Variants in IKZF3 observed in about 807,000 individuals in gnomAD.
The protein encoded by IKZF3 is IKAROS family zinc finger 3, also known as zinc finger protein Aiolos.
Under a neutral mutation model 49.0 loss-of-function variants are expected in IKZF3, and 10 were observed. The observed-to-expected ratio is 0.20, with a 90% confidence interval of 0.13 to 0.35. The LOEUF (loss-of-function observed/expected upper bound fraction) is 0.35, where lower values mean the gene tolerates loss of function less well. Among genes scored for constraint, IKZF3 ranks in the 10% least tolerant of loss-of-function variants. IKZF3 has a pLI of 1.00. For synonymous variants in IKZF3, 209 were observed against 228.2 expected (o/e 0.92, Z 0.76); for missense variants, 498 against 664.8 (o/e 0.75, Z 2.76).
rs2060139557 is a variant in IKZF3 at position 39,759,820 on chromosome 17, T to C, written c.*5970A>G. 6.6e-6 allele frequency: 1 copy of C among 152,258 alleles called. No individual in the cohort carries two copies. The highest frequency in any genetic ancestry group is 1.5e-5 in the Non-Finnish European group (1 of 68,042). 9.4% of individuals were successfully genotyped at this position (152,258 alleles called of 1,614,324 possible). ...TATAGAGGTTTTTTGAACTATACTT[T>C]CTGTGTGAACACAAAAATAGCTTCC... is the stretch of plus-strand genomic sequence containing the variant. On this transcript the variant is annotated 3_prime_UTR_variant, in exon 8 of 8. Coordinates refer to ENST00000346872, the MANE Select transcript of IKZF3 (RefSeq NM_012481.5).
At chr17:39,822,719 A>C (rs1233359576) in intron 3 of IKZF3, among the ~76,000 whole-genome samples, 2 of 151,936 alleles carry the variant, frequency 1.3e-5, no homozygotes, top group African/African-American at 4.8e-5. Flanking sequence ...AGTAGCTGGA[A>C]CTACAGGTGC....
intron 3 of IKZF3, among the ~76,000 whole-genome samples, chr17:39,808,894 G>C (rs1048899882): frequency 6.6e-6 from 1 of 152,144 alleles, no homozygotes; most frequent in Non-Finnish European, 1.5e-5. Context: ...TTCAAATGTC[G>C]GTGGATGGGA....
intron 3 of IKZF3, among the ~76,000 whole-genome samples, chr17:39,807,324 T>TA (rs1206020570): frequency 6.6e-6 from 1 of 151,560 alleles, no homozygotes; most frequent in African/African-American, 2.4e-5. Flanking sequence ...TCATAGAAGC[T>TA]AAAAAATGCA....
At chr17:39,806,072 G>T (rs936054302) in intron 3 of IKZF3, among the ~76,000 whole-genome samples, 1 of 152,116 alleles carries the variant, frequency 6.6e-6, no homozygotes, top group African/African-American at 2.4e-5. Context: ...GGGCTTTGGA[G>T]TAAGACAGAA....
intron 1 of IKZF3, among the ~76,000 whole-genome samples, chr17:39,855,450 C>T (rs1391962174): frequency 6.6e-6 from 1 of 152,118 alleles, no homozygotes; most frequent in African/African-American, 2.4e-5. Flanking sequence ...ATCTCCCTCC[C>T]CAAATTGGAT....
At chr17:39,779,869 G>A (rs1351917192) in intron 6 of IKZF3, among the ~76,000 whole-genome samples, 1 of 151,998 alleles carries the variant, frequency 6.6e-6, no homozygotes, top group East Asian at 1.9e-4. Flanking sequence ...TATGTCTAAG[G>A]AAGAATAAAT....
At chr17:39,800,030 G>A (rs911328796) in intron 3 of IKZF3, among the ~76,000 whole-genome samples, 1 of 152,144 alleles carries the variant, frequency 6.6e-6, no homozygotes. Flanking sequence ...CCTGATTTCA[G>A]TTGTCAGTGA....
Position 39,765,978 on chromosome 17 carries a change from C to T in IKZF3, c.1342G>A (p.Val448Met). The T allele has an allele frequency of 6.2e-7, 1 of 1,614,208 alleles. No individual in the cohort carries two copies. Among genetic ancestry groups the T allele is most frequent in the Non-Finnish European group, 8.5e-7 (1 of 1,180,018 alleles). ...SVKVINKEGE[V>M]MDVYRCDHCR... ...TGGTCACACCGATACACATCCATCA[C>T]CTCCCCTTCCTTGTTGATCACTTTG... is the stretch of plus-strand genomic sequence containing the variant. The change falls in exon 8 of 8, where the codon GTG becomes ATG. Residue 448 changes from valine to methionine, a missense_variant. Coordinates refer to ENST00000346872, the MANE Select transcript of IKZF3 (RefSeq NM_012481.5).
chr17:39,835,122 G>A, intron 1 of IKZF3: 1 of 458,576 alleles, frequency 2.2e-6, no homozygotes, highest in Non-Finnish European at 4.3e-6. Flanking sequence ...GCCAGGGCTT[G>A]TAAGGCCCCT....
intron 1 of IKZF3, among the ~76,000 whole-genome samples, chr17:39,834,162 T>C (rs1426086027): frequency 6.6e-6 from 1 of 152,192 alleles, no homozygotes; most frequent in Non-Finnish European, 1.5e-5. Flanking sequence ...TGCACAAGTA[T>C]TTCTGTGGTC....
At chr17:39,770,808 C>CTTTTTTTTTT (rs35880653) in intron 7 of IKZF3, among the ~76,000 whole-genome samples, 1 of 136,898 alleles carries the variant, frequency 7.3e-6, no homozygotes, top group Non-Finnish European at 1.6e-5. Context: ...GGGGTTGATA[C>CTTTTTTTTTT]TTTTTTTTTT....
chr17:39,766,593 G>T, intron 7 of IKZF3, 100 bp from the exon 8 acceptor site: 1 of 993,364 alleles, frequency 1.0e-6, no homozygotes. Flanking sequence ...GAGTTAAGTT[G>T]CCTGCTGCTC....
At chr17:39,844,337 T>C (rs534037099) in intron 1 of IKZF3, among the ~76,000 whole-genome samples, 1 of 152,332 alleles carries the variant, frequency 6.6e-6, no homozygotes, top group South Asian at 2.1e-4. Context: ...TCTCATCAAT[T>C]GTCTACATTT....
At chr17:39,791,379 A>G (rs760600517) in intron 5 of IKZF3, 37 bp downstream of exon 5, 2 of 1,604,462 alleles carry the variant, frequency 1.2e-6, no homozygotes, top group South Asian at 1.1e-5. Context: ...TGAGGAATGC[A>G]CTTCCTAGAC....
intron 4 of IKZF3, among the ~76,000 whole-genome samples, 187 bp downstream of exon 4, chr17:39,792,486 G>A (rs1238183552): frequency 6.6e-6 from 1 of 152,206 alleles, no homozygotes; most frequent in Admixed American, 6.5e-5. Context: ...TTTGCAATAT[G>A]TTTGCCAAAT....
In IKZF3 at chr17:39,757,765, A is replaced by G. The variant is rs2060098275; in HGVS notation, c.*8025T>C. 2 of 152,230 alleles carry G rather than the reference A, an allele frequency of 1.3e-5. No individual in the cohort carries two copies. The highest frequency in any genetic ancestry group is 2.9e-5 in the Non-Finnish European group (2 of 68,034). The allele number at this position is 152,230 out of a possible 1,614,324, so 9.4% of individuals were successfully genotyped here. Reference sequence around the variant, plus strand: ...TTATTTTTCAGTGTAAAAATCAAACATGATAAACCTAGAAAACTATCAGCA... The same window carrying G: ...TTATTTTTCAGTGTAAAAATCAAACGTGATAAACCTAGAAAACTATCAGCA... On this transcript the variant is annotated 3_prime_UTR_variant, in exon 8 of 8. Coordinates refer to ENST00000346872, the MANE Select transcript of IKZF3 (RefSeq NM_012481.5).
At chr17:39,824,900 T>A (rs2061915789) in intron 3 of IKZF3, among the ~76,000 whole-genome samples, 1 of 152,094 alleles carries the variant, frequency 6.6e-6, no homozygotes. Context: ...TTTCACCATG[T>A]TAGCCAGGAT....
At chr17:39,818,959 A>ATTT (rs2061740128) in intron 3 of IKZF3, among the ~76,000 whole-genome samples, 3 of 103,454 alleles carry the variant, frequency 2.9e-5, no homozygotes, top group Non-Finnish European at 6.2e-5. Context: ...GATTGATCAT[A>ATTT]TCTTCTCTAT....
chr17:39,850,752 T>C (rs1294346330), intron 1 of IKZF3, among the ~76,000 whole-genome samples: 1 of 101,500 alleles, frequency 9.9e-6, no homozygotes, highest in African/African-American at 4.2e-5. Flanking sequence ...ATAGTATATA[T>C]ACTATATATT....
Sources: gnomAD v4.1 joint callset for allele counts (sites outside exome capture counted in the v4.1 genomes callset) on GRCh38, gnomAD v4.1.1 for gene constraint, MANE v1.5 for transcripts, NCBI Gene and HGNC (gene_info 2026-07-23, HGNC 2026-07-21) for gene names.